Variants in GGA2 observed in about 807,000 individuals in gnomAD.
The protein encoded by GGA2 is ADP-ribosylation factor-binding protein GGA2.
GGA2 carries 48 observed loss-of-function variants against 79.5 expected under a neutral mutation model. The ratio of observed to expected loss-of-function variants is 0.60; its 90% CI spans 0.48 to 0.77. The LOEUF (loss-of-function observed/expected upper bound fraction) is 0.77. Ranked by LOEUF, GGA2 falls within the 30% of genes least tolerant of loss-of-function variation. The probability of loss-of-function intolerance (pLI) is 0.00; values close to 1 mark genes in which losing one functional copy is unlikely to be tolerated. For missense variants in GGA2, 770 were observed against 774.0 expected, an observed-to-expected ratio of 0.99 and a Z score of 0.06; for synonymous variants, 317 against 302.0, an observed-to-expected ratio of 1.05 and a Z score of -0.51.
chr16:23,483,645 GTTTTTTTGGTT>G (rs1315807829), intron 8 of GGA2, among the ~76,000 whole-genome samples: 1 of 151,758 alleles, frequency 6.6e-6, no homozygotes, highest in African/African-American at 2.4e-5. Context: ...TTGATTGTTT[GTTTTTTTGGTT>G]TTTTTTTGAG....
Position 23,488,605 on chromosome 16 carries a change from C to A in GGA2, c.579+1G>T. ...GACACCATGTAGGTCTGTTTCCTTA[C>A]CTTGGACTTTTCTTCATCAGCATCA... On this transcript the variant is annotated splice_donor_variant, in intron 6 of 16. Coordinates refer to ENST00000309859, the MANE Select transcript of GGA2 (RefSeq NM_015044.4). LOFTEE classifies it high-confidence loss of function. 6.4e-7 allele frequency: 1 copy of A among 1,568,016 alleles called. No homozygotes were observed. Among genetic ancestry groups the A allele is most frequent in the Non-Finnish European group, 8.8e-7 (1 of 1,138,074 alleles).
At chr16:23,490,736 A>G (rs551514632) in intron 5 of GGA2, among the ~76,000 whole-genome samples, 7 of 151,320 alleles carry the variant, frequency 4.6e-5, no homozygotes, top group South Asian at 2.1e-4. Context: ...CTCTGTCTCA[A>G]AAGAAAAAAA....
At chr16:23,507,547 G>A (rs1003016815) in intron 1 of GGA2, among the ~76,000 whole-genome samples, 3 of 152,182 alleles carry the variant, frequency 2.0e-5, no homozygotes, top group African/African-American at 7.2e-5. Flanking sequence ...AGAATTGCTT[G>A]AACCTGGGAG....
At chr16:23,511,823 G>A (rs575568729), upstream of GGA2, among the ~76,000 whole-genome samples, 102 of 152,240 alleles carry the variant, frequency 6.7e-4, no homozygotes, top group African/African-American at 2.3e-3. Context: ...ATCCAAAAGT[G>A]AAGTCAAAGA....
intron 14 of GGA2, among the ~76,000 whole-genome samples, chr16:23,470,434 T>A (rs1186600358): frequency 6.6e-6 from 1 of 152,084 alleles, no homozygotes; most frequent in Non-Finnish European, 1.5e-5. Context: ...GAAGATACGA[T>A]CATTATTAAA....
At chr16:23,521,217 A>G (rs1328382214) in intron 1 of GGA2, among the ~76,000 whole-genome samples, 3 of 152,180 alleles carry the variant, frequency 2.0e-5, no homozygotes, top group African/African-American at 7.2e-5. Flanking sequence ...AATTATCACC[A>G]CCATTGACCC....
At chr16:23,512,700 CTTTTTTTTTTTTTTTT>C (rs34027000), upstream of GGA2, among the ~76,000 whole-genome samples, 11 of 55,930 alleles carry the variant, frequency 2.0e-4, no homozygotes, top group South Asian at 3.6e-3. Context: ...TAAAGAAAAT[CTTTTTTTTTTTTTTTT>C]TTTTTTTTTT....
At position 23,466,438 on chromosome 16, in the gene GGA2, G is replaced by A. The variant is rs1351728219; in HGVS notation, c.*1152C>T. ...CACCTCTCCTGTCCAGCTTGCCTCAGATCTTCAGGTTCTCTCTTCTCTGAG... is the reference window on the plus strand; with the variant it reads ...CACCTCTCCTGTCCAGCTTGCCTCAAATCTTCAGGTTCTCTCTTCTCTGAG... On this transcript the variant is annotated 3_prime_UTR_variant, in exon 17 of 17. Coordinates refer to ENST00000309859, the MANE Select transcript of GGA2 (RefSeq NM_015044.4). 6.6e-6 allele frequency: 1 copy of A among 152,180 alleles called. No homozygotes were observed. The highest frequency in any genetic ancestry group is 2.4e-5 in the African/African-American group (1 of 41,448). 9.4% of individuals were successfully genotyped at this position (152,180 alleles called of 1,614,324 possible). A position where few individuals can be genotyped will look rare whatever the true frequency, so the allele number is the denominator to read the frequency against.
intron 3 of GGA2, chr16:23,494,083 A>G (rs1964823905): frequency 3.5e-6 from 2 of 571,700 alleles, no homozygotes; most frequent in Non-Finnish European, 6.2e-6. Context: ...TCCTTCTCCC[A>G]CAGTAGACTC....
intron 8 of GGA2, among the ~76,000 whole-genome samples, chr16:23,483,316 G>A (rs1964672582): frequency 6.6e-6 from 1 of 152,190 alleles, no homozygotes; most frequent in South Asian, 2.1e-4. Context: ...AGACCAGCCT[G>A]GCCAACATGG....
intron 12 of GGA2, 79 bp downstream of exon 12, chr16:23,478,804 C>T (rs77452128): frequency 0.019 from 18,905 of 1,010,100 alleles, 261 homozygotes; most frequent in Middle Eastern, 0.042. Flanking sequence ...CCTCTCTGCT[C>T]GCCAGGCAGT....
chr16:23,479,704 C>G (rs1309921009), intron 11 of GGA2, 61 bp downstream of exon 11: 30 of 1,593,246 alleles, frequency 1.9e-5, no homozygotes, highest in Non-Finnish European at 2.6e-5. Flanking sequence ...GCGAAGGGAA[C>G]CAGCTCACTC....
rs554029863 is a variant in GGA2, at chr16:23,468,359, G to A, written c.1731+527C>T. 1.2e-4 allele frequency among the ~76,000 whole-genome samples: 18 copies of A among 152,142 alleles called. 1 individual carries two copies. The highest frequency in any genetic ancestry group is 4.3e-4 in the African/African-American group (18 of 41,506). On this transcript the variant is annotated intron_variant, in intron 16 of 16. Transcript: ENST00000309859. Reference sequence around the variant, plus strand: ...TGCCCAGCTAATTTTTGTATTTTTAGTAGAGATGGGGTTTCACCATGTTGG... The same window carrying A: ...TGCCCAGCTAATTTTTGTATTTTTAATAGAGATGGGGTTTCACCATGTTGG...
At chr16:23,484,509 A>T (rs1481284971) in intron 8 of GGA2, among the ~76,000 whole-genome samples, 1 of 152,220 alleles carries the variant, frequency 6.6e-6, no homozygotes. Context: ...CTGTCTGATA[A>T]GGAACCTGTA....
intron 1 of GGA2, among the ~76,000 whole-genome samples, chr16:23,500,568 C>A (rs1432065002): frequency 1.3e-5 from 2 of 152,206 alleles, no homozygotes; most frequent in Non-Finnish European, 2.9e-5. Flanking sequence ...GTGCTGACAT[C>A]TATGAGGCAG....
chr16:23,511,528 C>T (rs570257149), upstream of GGA2, among the ~76,000 whole-genome samples: 4 of 150,412 alleles, frequency 2.7e-5, no homozygotes, highest in Non-Finnish European at 4.4e-5. Context: ...GATGGAGTCT[C>T]GCTCTGTCGC....
intron 13 of GGA2, among the ~76,000 whole-genome samples, chr16:23,477,031 A>T (rs1055640064): frequency 4.6e-5 from 7 of 152,192 alleles, no homozygotes; most frequent in Non-Finnish European, 8.8e-5. Flanking sequence ...GGCTCACTGC[A>T]GCCTCGACTT....
intron 1 of GGA2, among the ~76,000 whole-genome samples, chr16:23,520,351 G>T (rs1245429461): frequency 2.0e-5 from 3 of 150,548 alleles, no homozygotes; most frequent in African/African-American, 7.3e-5. Flanking sequence ...TTACAAACAA[G>T]AAAATTGAGG....
In GGA2 at chr16:23,467,433, C is replaced by T. The variant is rs986775774; in HGVS notation, c.*157G>A. The stretch of plus-strand genomic sequence containing the variant: ...ACACACACACACACACACACACACA[C>T]AGAGCATCTGCAGAATAAGTCAGAG... On this transcript the variant is annotated 3_prime_UTR_variant, in exon 17 of 17. Coordinates refer to ENST00000309859, the MANE Select transcript of GGA2 (RefSeq NM_015044.4). The T allele has an allele frequency of 4.2e-5, 25 of 589,980 alleles. No individual in the cohort carries two copies. Among genetic ancestry groups the T allele is most frequent in the Admixed American group, 7.4e-5 (3 of 40,488 alleles). The allele number at this position is 589,980 out of a possible 1,614,324, so 36.5% of individuals were successfully genotyped here.
Sources: gnomAD v4.1 joint callset for allele counts (sites outside exome capture counted in the v4.1 genomes callset) on GRCh38, gnomAD v4.1.1 for gene constraint, MANE v1.5 for transcripts, NCBI Gene and HGNC (gene_info 2026-07-23, HGNC 2026-07-21) for gene names.